The following CNTNAP2 variants were observed in gnomAD, a reference collection of about 807,000 sequenced individuals.
CNTNAP2 encodes the protein contactin associated protein 2, also known as contactin-associated protein-like 2.
Under a neutral mutation model 155.2 loss-of-function variants are expected in CNTNAP2, and 98 were observed. The ratio of observed to expected loss-of-function variants is 0.63; its 90% CI spans 0.54 to 0.75. CNTNAP2 has a LOEUF of 0.75. Among genes scored for constraint, CNTNAP2 ranks in the 30% least tolerant of loss-of-function variants. CNTNAP2 has a pLI of 0.00. For missense variants in CNTNAP2, 1,727 were observed against 1,688.1 expected (o/e 1.02, Z -0.40); for synonymous variants, 651 against 631.2 (o/e 1.03, Z -0.47).
intron 1 of CNTNAP2, among the ~76,000 whole-genome samples, chr7:146,534,589 A>G (rs1797818593): frequency 6.6e-6 from 1 of 152,126 alleles, no homozygotes; most frequent in South Asian, 2.1e-4. Flanking sequence ...TAACGGGGAA[A>G]TAAGAACAAC....
At chr7:147,185,212 T>A (rs530097852) in intron 8 of CNTNAP2, among the ~76,000 whole-genome samples, 16 of 152,174 alleles carry the variant, frequency 1.1e-4, no homozygotes, top group Non-Finnish European at 1.3e-4. Flanking sequence ...ATAAGAACAT[T>A]AGATAAATGT....
intron 1 of CNTNAP2, among the ~76,000 whole-genome samples, chr7:146,482,217 A>AAC (rs1000146066): frequency 2.0e-5 from 3 of 150,956 alleles, no homozygotes; most frequent in Non-Finnish European, 4.4e-5. Context: ...AAAAAAAAAA[A>AAC]AAAAAAAAAC....
At chr7:147,319,734 T>A (rs891911987) in intron 9 of CNTNAP2, among the ~76,000 whole-genome samples, 2 of 152,204 alleles carry the variant, frequency 1.3e-5, no homozygotes, top group African/African-American at 4.8e-5. Flanking sequence ...TATAATAATA[T>A]TAACTTTTAA....
At chr7:146,458,055 A>G (rs1796582989) in intron 1 of CNTNAP2, among the ~76,000 whole-genome samples, 1 of 152,136 alleles carries the variant, frequency 6.6e-6, no homozygotes, top group Non-Finnish European at 1.5e-5. Context: ...ATGCAGGAAC[A>G]GAAAGCCAAA....
chr7:147,358,478 A>G (rs1796097521), intron 9 of CNTNAP2, among the ~76,000 whole-genome samples: 1 of 152,158 alleles, frequency 6.6e-6, no homozygotes, highest in Admixed American at 6.6e-5. Flanking sequence ...CTCATTGAGT[A>G]AACATAGCTG....
intron 10 of CNTNAP2, among the ~76,000 whole-genome samples, chr7:147,467,901 C>A (rs1230703369): frequency 1.3e-5 from 2 of 151,942 alleles, no homozygotes; most frequent in Middle Eastern, 3.2e-3. Context: ...CATGGTGATG[C>A]ATGCCTGTAG....
chr7:146,492,204 G>T (rs1203661895), intron 1 of CNTNAP2, among the ~76,000 whole-genome samples: 1 of 145,016 alleles, frequency 6.9e-6, no homozygotes, highest in Non-Finnish European at 1.5e-5. Context: ...ACATATAAAA[G>T]GTTGAGAGAA....
intron 14 of CNTNAP2, among the ~76,000 whole-genome samples, chr7:147,908,365 C>T (rs939194648): frequency 2.0e-5 from 3 of 152,226 alleles, no homozygotes; most frequent in South Asian, 2.1e-4. Flanking sequence ...GAAGCCCCTG[C>T]TTCTCTCACT....
intron 3 of CNTNAP2, among the ~76,000 whole-genome samples, chr7:147,013,057 C>T (rs1395746890): frequency 6.6e-6 from 1 of 151,912 alleles, no homozygotes; most frequent in Non-Finnish European, 1.5e-5. Flanking sequence ...AAGCATAATC[C>T]AAATATGTGT....
At chr7:147,544,920 C>G (rs1799704455) in intron 11 of CNTNAP2, among the ~76,000 whole-genome samples, 1 of 152,040 alleles carries the variant, frequency 6.6e-6, no homozygotes, top group South Asian at 2.1e-4. Flanking sequence ...GCCTCCCTAG[C>G]CATGTGGAAC....
intron 11 of CNTNAP2, among the ~76,000 whole-genome samples, chr7:147,522,488 T>C (rs910325239): frequency 6.6e-6 from 1 of 152,138 alleles, no homozygotes. Context: ...GATTTTCATA[T>C]GTAATATTTA....
At chr7:146,195,943 A>C (rs1053877190) in intron 1 of CNTNAP2, among the ~76,000 whole-genome samples, 13 of 152,148 alleles carry the variant, frequency 8.5e-5, no homozygotes, top group African/African-American at 3.1e-4. Flanking sequence ...GATGGTGTGA[A>C]TCTCATGCCT....
rs146602174 is a variant in CNTNAP2, at chr7:147,678,306, T to C, written c.2098+39000T>C. ...AAAAATGTTTTGAAGAGGCATCTTC[T>C]CCAGAAATCTTTTGAGACTGATCTC... On this transcript the variant is annotated intron_variant, in intron 13 of 23. Coordinates refer to ENST00000361727, the MANE Select transcript of CNTNAP2 (RefSeq NM_014141.6). Among the ~76,000 whole-genome samples the C allele has an allele frequency of 4.2e-3, 636 of 152,008 alleles. 6 individuals carry two copies. The highest frequency in any genetic ancestry group is 0.014 in the African/African-American group (581 of 41,536).
At chr7:147,091,731 G>T (rs946366276) in intron 4 of CNTNAP2, among the ~76,000 whole-genome samples, 1 of 151,682 alleles carries the variant, frequency 6.6e-6, no homozygotes, top group African/African-American at 2.4e-5. Flanking sequence ...TCAGCGTCCC[G>T]GGTAGCTGGG....
At chr7:147,305,022 T>A (rs1795001433) in intron 9 of CNTNAP2, among the ~76,000 whole-genome samples, 1 of 152,012 alleles carries the variant, frequency 6.6e-6, no homozygotes, top group Non-Finnish European at 1.5e-5. Context: ...TTCTTATGAG[T>A]GCACCAGTCC....
At chr7:148,400,097 C>T (rs978892877) in intron 22 of CNTNAP2, among the ~76,000 whole-genome samples, 2 of 152,164 alleles carry the variant, frequency 1.3e-5, no homozygotes, top group Non-Finnish European at 2.9e-5. Flanking sequence ...TCAGAGTGCT[C>T]TCCCCCAAAG....
At chr7:147,601,137 T>C (rs1233367658) in intron 12 of CNTNAP2, among the ~76,000 whole-genome samples, 1 of 152,152 alleles carries the variant, frequency 6.6e-6, no homozygotes, top group Non-Finnish European at 1.5e-5. Context: ...TGTTGTTTTA[T>C]TTGTACCTCT....
intron 3 of CNTNAP2, among the ~76,000 whole-genome samples, chr7:146,984,517 A>G (rs1325803259): frequency 1.3e-5 from 2 of 151,592 alleles, no homozygotes; most frequent in African/African-American, 4.9e-5. Context: ...CCTTGGTGTG[A>G]AGAATGGCTG....
chr7:146,200,387 G>T (rs965006269), intron 1 of CNTNAP2, among the ~76,000 whole-genome samples: 16 of 151,892 alleles, frequency 1.1e-4, no homozygotes, highest in African/African-American at 3.9e-4. Flanking sequence ...TCAGCTGCTC[G>T]GGAGGCTGAG....
Sources: gnomAD v4.1 joint callset for allele counts (sites outside exome capture counted in the v4.1 genomes callset) on GRCh38, gnomAD v4.1.1 for gene constraint, MANE v1.5 for transcripts, NCBI Gene and HGNC (gene_info 2026-07-23, HGNC 2026-07-21) for gene names.